The following TNN variants were observed in gnomAD, a reference collection of about 807,000 sequenced individuals.
TNN encodes tenascin-N.
Under a neutral mutation model 134.4 loss-of-function variants are expected in TNN, and 122 were observed. The ratio of observed to expected loss-of-function variants is 0.91; its 90% CI spans 0.78 to 1.06. The LOEUF is 1.06. TNN is among the 50% of genes least tolerant of loss of function. The probability of loss-of-function intolerance (pLI) is 0.00; values close to 1 mark genes in which losing one functional copy is unlikely to be tolerated. For synonymous variants in TNN, 710 were observed against 670.3 expected, an observed-to-expected ratio of 1.06 and a Z score of -0.91; for missense variants, 1,739 against 1,699.4, an observed-to-expected ratio of 1.02 and a Z score of -0.41.
At chr1:175,104,258 A>T (rs1674798367) in intron 9 of TNN, among the ~76,000 whole-genome samples, 1 of 145,386 alleles carries the variant, frequency 6.9e-6, no homozygotes, top group Non-Finnish European at 1.5e-5. Context: ...GAGGAAGTCA[A>T]TTTCCTGGCC....
In TNN at chr1:175,083,738, C is replaced by G. The variant is rs768431234; in HGVS notation, c.1049-12C>G. On this transcript the variant is annotated splice_polypyrimidine_tract_variant and intron_variant, in intron 4 of 18. Coordinates refer to ENST00000239462, the MANE Select transcript of TNN (RefSeq NM_022093.2). The stretch of plus-strand genomic sequence containing the variant: ...TCACCACTTTCTCTTGCCTCCGTCA[C>G]CCCTGCCCTAGACCTTGCTGTGCTT... 8.4e-5 allele frequency: 136 copies of G among 1,612,656 alleles called. No homozygotes were observed. Among genetic ancestry groups the G allele is most frequent in the Non-Finnish European group, 1.1e-4 (131 of 1,179,138 alleles).
intron 1 of TNN, among the ~76,000 whole-genome samples, chr1:175,073,349 C>T (rs541345469): frequency 1.3e-5 from 2 of 152,154 alleles, no homozygotes; most frequent in African/African-American, 4.8e-5. Context: ...TAAGGATGGC[C>T]GTTGTGAAAT....
intron 4 of TNN, among the ~76,000 whole-genome samples, chr1:175,083,374 C>A (rs1035238989): frequency 1.1e-4 from 17 of 152,328 alleles, no homozygotes; most frequent in Admixed American, 6.5e-4. Flanking sequence ...AGGGGCTCTG[C>A]AGCTGAAGAG....
intron 15 of TNN, among the ~76,000 whole-genome samples, chr1:175,134,748 C>G (rs1291616330): frequency 3.3e-5 from 5 of 152,088 alleles, no homozygotes; most frequent in Non-Finnish European, 7.4e-5. Context: ...ACCTTCTATG[C>G]ACTTCCATCT....
chr1:175,093,952 G>A, intron 6 of TNN, 38 bp from the exon 7 acceptor site: 1 of 1,569,614 alleles, frequency 6.4e-7, no homozygotes, highest in Admixed American at 1.7e-5. Flanking sequence ...TAACCAACTG[G>A]TTTCTCTGAT....
chr1:175,082,050 C>A (rs1574142276), intron 4 of TNN, among the ~76,000 whole-genome samples: 1 of 152,292 alleles, frequency 6.6e-6, no homozygotes, highest in Non-Finnish European at 1.5e-5. Flanking sequence ...CACAGAGTGA[C>A]CTGACATTGA....
intron 12 of TNN, among the ~76,000 whole-genome samples, chr1:175,126,746 C>A (rs1179281844): frequency 2.0e-5 from 3 of 152,154 alleles, no homozygotes; most frequent in Non-Finnish European, 4.4e-5. Context: ...ACCCAACGCC[C>A]TGTTCTTCTT....
Position 175,128,126 on chromosome 1 carries a change from G to T in TNN, c.3140G>T (p.Gly1047Val), listed in dbSNP as rs1675577300. ...GTCTCCCTTGTTGCCTTTAAGGGTG[G>T]TCGCCGGAGCAGAAATGTATCCACC... ...YPVSLVAFKG[G>V]RRSRNVSTTL... Residue 1047 changes from glycine to valine, a missense_variant, in exon 14 of 19, where the codon GGT becomes GTT. Gly to Val is a moderately radical substitution (Grantham distance 109). Coordinates refer to ENST00000239462, the MANE Select transcript of TNN (RefSeq NM_022093.2). 1 of 1,612,478 alleles carries T rather than the reference G, an allele frequency of 6.2e-7. No individual in the cohort carries two copies. The highest frequency in any genetic ancestry group is 8.5e-7 in the Non-Finnish European group (1 of 1,179,216).
intron 17 of TNN, among the ~76,000 whole-genome samples, chr1:175,144,067 C>G (rs1052079263): frequency 3.3e-5 from 5 of 151,776 alleles, no homozygotes; most frequent in African/African-American, 9.7e-5. Flanking sequence ...GAGTGGTGCT[C>G]TTGTGTGTGG....
intron 17 of TNN, among the ~76,000 whole-genome samples, chr1:175,137,320 C>A (rs967949549): frequency 6.6e-6 from 1 of 151,096 alleles, no homozygotes; most frequent in Non-Finnish European, 1.5e-5. Flanking sequence ...GTCAGTCTTT[C>A]ATTCGGCTTT....
chr1:175,147,776 G>A lies in TNN; in HGVS notation c.*705G>A, dbSNP rs995728840. 1.3e-5 allele frequency: 2 copies of A among 152,144 alleles called. No homozygotes were observed. Among genetic ancestry groups the A allele is most frequent in the Non-Finnish European group, 2.9e-5 (2 of 68,026 alleles). 9.4% of individuals were successfully genotyped at this position (152,144 alleles called of 1,614,324 possible). ...ATAAATTCTCACTCATTTCAACTTT[G>A]AATAATTTGACTGTCTTGATAATTG... On this transcript the variant is annotated 3_prime_UTR_variant, in exon 19 of 19. Coordinates refer to ENST00000239462, the MANE Select transcript of TNN (RefSeq NM_022093.2).
chr1:175,104,832 G>A (rs1024416783), intron 9 of TNN, among the ~76,000 whole-genome samples: 3 of 146,020 alleles, frequency 2.1e-5, no homozygotes, highest in Non-Finnish European at 4.6e-5. Context: ...AAGGCCTCTT[G>A]TAGCCGCTCG....
At chr1:175,090,357 C>T (rs1674413688) in intron 6 of TNN, among the ~76,000 whole-genome samples, 1 of 152,214 alleles carries the variant, frequency 6.6e-6, no homozygotes, top group Admixed American at 6.5e-5. Context: ...TAGAGGAGGT[C>T]TGTGAAAACA....
chr1:175,135,064 G>A lies in TNN; in HGVS notation c.3331-781G>A, dbSNP rs75674088. On this transcript the variant is annotated intron_variant, in intron 15 of 18. Coordinates refer to ENST00000239462, the MANE Select transcript of TNN (RefSeq NM_022093.2). ...CCCAGAAGCCCCAACATTCACCCCC[G>A]TGCTCTTGCCTGACCACTCCTACTC... 6.6e-3 allele frequency among the ~76,000 whole-genome samples: 999 copies of A among 152,064 alleles called. 11 individuals are homozygous for A. The highest frequency in any genetic ancestry group is 0.023 in the African/African-American group (956 of 41,450).
At chr1:175,122,258 T>G (rs1300398244) in intron 11 of TNN, among the ~76,000 whole-genome samples, 1 of 151,184 alleles carries the variant, frequency 6.6e-6, no homozygotes, top group Non-Finnish European at 1.5e-5. Context: ...TGTGGTGGCA[T>G]GCACCTGTAT....
rs11450833 is a variant in TNN at position 175,146,910 on chromosome 1, C to CTTT, written c.3760-8_3760-6dup. The stretch of plus-strand genomic sequence containing the variant: ...TCCTAAGAGCCTCTTCTTGATGTGG[C>CTTT]TTTTTTTTTTTTTTTGGTAGGGGGT... On this transcript the variant is annotated intron_variant, in intron 18 of 18. Transcript: ENST00000239462. The CTTT allele has an allele frequency of 2.1e-3, 2,813 of 1,339,410 alleles. 15 individuals carry two copies. The highest frequency in any genetic ancestry group is 0.011 in the African/African-American group (691 of 62,990). The allele number at this position is 1,339,410 out of a possible 1,614,324, so 83.0% of individuals were successfully genotyped here. A position where few individuals can be genotyped will look rare whatever the true frequency, so the allele number is the denominator to read the frequency against.
intron 18 of TNN, among the ~76,000 whole-genome samples, chr1:175,146,703 T>C (rs966908396): frequency 6.6e-6 from 1 of 151,736 alleles, no homozygotes; most frequent in African/African-American, 2.4e-5. Context: ...TTCCAAATCG[T>C]CCAAGTCCTC....
In TNN at chr1:175,097,686, A is replaced by T; in HGVS notation, c.1855+3A>T. 1 of 1,613,934 alleles carries T rather than the reference A, an allele frequency of 6.2e-7. No homozygotes were observed. Among genetic ancestry groups the T allele is most frequent in the Non-Finnish European group, 8.5e-7 (1 of 1,179,918 alleles). ...GGCTGACACCAACGCCCCGACAGGT[A>T]ACAAAAGAGAGATGGTCAATTGGAA... On this transcript the variant is annotated splice_donor_region_variant and intron_variant, in intron 8 of 18. Coordinates refer to ENST00000239462, the MANE Select transcript of TNN (RefSeq NM_022093.2).
At chr1:175,120,596 A>G (rs1574166802) in intron 11 of TNN, among the ~76,000 whole-genome samples, 4 of 152,296 alleles carry the variant, frequency 2.6e-5, no homozygotes, top group Non-Finnish European at 1.5e-5. Flanking sequence ...GGGAAGAGGC[A>G]TGATGAAAGT....
Sources: allele counts gnomAD v4.1 joint callset (sites outside exome capture counted in the v4.1 genomes callset), GRCh38; gene constraint gnomAD v4.1.1; transcripts MANE v1.5; gene names NCBI Gene and HGNC (gene_info 2026-07-23, HGNC 2026-07-21).